ADAMTSL1: variants seen among roughly 807,000 people sequenced by gnomAD.
ADAMTSL1 encodes the protein ADAMTS-like protein 1.
Under a neutral mutation model 201.8 loss-of-function variants are expected in ADAMTSL1, and 126 were observed. The ratio of observed to expected loss-of-function variants is 0.62; its 90% CI spans 0.54 to 0.72. The LOEUF (loss-of-function observed/expected upper bound fraction) is 0.72. ADAMTSL1 is among the 30% of genes least tolerant of loss of function. The pLI, the probability that ADAMTSL1 is intolerant of heterozygous loss-of-function variation, is 0.00. For missense variants in ADAMTSL1, 2,679 were observed against 2,277.8 expected (o/e 1.18, Z -3.59); for synonymous variants, 1,121 against 903.4 (o/e 1.24, Z -4.32).
intron 4 of ADAMTSL1, among the ~76,000 whole-genome samples, chr9:18,617,186 A>C (rs1319959814): frequency 3.3e-5 from 5 of 152,218 alleles, no homozygotes; most frequent in Admixed American, 3.3e-4. Context: ...AAATGAAGCC[A>C]TTGTGAACCC....
intron 2 of ADAMTSL1, among the ~76,000 whole-genome samples, chr9:18,532,673 T>C (rs750178957): frequency 7.9e-5 from 12 of 151,938 alleles, no homozygotes; most frequent in Non-Finnish European, 1.5e-4. Context: ...ATCAAAATAA[T>C]AGTGATTGTC....
intron 3 of ADAMTSL1, among the ~76,000 whole-genome samples, chr9:18,536,692 G>T (rs904856836): frequency 6.6e-6 from 1 of 152,132 alleles, no homozygotes; most frequent in African/African-American, 2.4e-5. Context: ...GCAGCAAGGT[G>T]CTCCATCTCT....
At chr9:18,306,728 T>C (rs1335478448) in intron 2 of ADAMTSL1, among the ~76,000 whole-genome samples, 1 of 152,174 alleles carries the variant, frequency 6.6e-6, no homozygotes, top group African/African-American at 2.4e-5. Flanking sequence ...TTGGTGTACC[T>C]GAAAGTGATG....
At chr9:18,498,460 C>T (rs1436236615) in intron 1 of ADAMTSL1, among the ~76,000 whole-genome samples, 1 of 151,788 alleles carries the variant, frequency 6.6e-6, no homozygotes, top group Non-Finnish European at 1.5e-5. Context: ...TCCCAGCCTC[C>T]CAAGTAGCTA....
At chr9:18,344,301 A>G (rs997380249) in intron 2 of ADAMTSL1, among the ~76,000 whole-genome samples, 13 of 152,098 alleles carry the variant, frequency 8.5e-5, no homozygotes, top group African/African-American at 2.9e-4. Context: ...CTGTTTAATA[A>G]CATTTTAATT....
chr9:18,815,774 G>A (rs1033242987), intron 20 of ADAMTSL1, among the ~76,000 whole-genome samples: 48 of 150,388 alleles, frequency 3.2e-4, no homozygotes, highest in Non-Finnish European at 5.8e-4. Context: ...GCAGCAACAT[G>A]GATAAACCCG....
intron 13 of ADAMTSL1, among the ~76,000 whole-genome samples, chr9:18,695,483 GT>G (rs1281975252): frequency 6.6e-6 from 1 of 152,192 alleles, no homozygotes; most frequent in East Asian, 1.9e-4. Context: ...GCTCATGCAT[GT>G]GATTATATGC....
At chr9:18,907,051 A>AT (rs5896821) in intron 28 of ADAMTSL1, 139 bp downstream of exon 28, 611,069 of 897,796 alleles carry the variant, frequency 0.68, 212,212 homozygotes, top group African/African-American at 0.88. Flanking sequence ...GGAGTTGAGC[A>AT]TTTCAGTGGG....
chr9:17,966,192 A>T (rs1395022992), intron 1 of ADAMTSL1, among the ~76,000 whole-genome samples: 1 of 152,178 alleles, frequency 6.6e-6, no homozygotes, highest in Admixed American at 6.6e-5. Flanking sequence ...CTGAAGGCAC[A>T]GTTCTTGCTT....
chr9:18,313,368 A>T (rs965691069), intron 2 of ADAMTSL1, among the ~76,000 whole-genome samples: 8 of 152,186 alleles, frequency 5.3e-5, no homozygotes, highest in African/African-American at 1.9e-4. Context: ...ACCTCACCCC[A>T]GGTGAGTTAC....
intron 15 of ADAMTSL1, among the ~76,000 whole-genome samples, chr9:18,752,807 A>G (rs559501059): frequency 2.0e-5 from 3 of 152,226 alleles, no homozygotes; most frequent in Non-Finnish European, 1.5e-5. Context: ...CTATGCAGCA[A>G]TGGAACTTTA....
chr9:18,063,142 C>A (rs1041977379), intron 1 of ADAMTSL1, among the ~76,000 whole-genome samples: 1 of 151,858 alleles, frequency 6.6e-6, no homozygotes, highest in African/African-American at 2.4e-5. Flanking sequence ...CAGCCTGAGG[C>A]CAGGAGTTCA....
intron 3 of ADAMTSL1, among the ~76,000 whole-genome samples, chr9:18,548,186 A>C (rs958775951): frequency 2.6e-5 from 4 of 152,038 alleles, no homozygotes; most frequent in Non-Finnish European, 5.9e-5. Flanking sequence ...ATTCATGGGC[A>C]TGTGAAGAAA....
chr9:18,436,800 G>T (rs1384820977), intron 2 of ADAMTSL1, among the ~76,000 whole-genome samples: 1 of 152,030 alleles, frequency 6.6e-6, no homozygotes, highest in East Asian at 1.9e-4. Context: ...CTCCTACACT[G>T]TATTATACAG....
At chr9:18,124,697 G>T (rs929700530) in intron 1 of ADAMTSL1, among the ~76,000 whole-genome samples, 1 of 152,240 alleles carries the variant, frequency 6.6e-6, no homozygotes, top group East Asian at 1.9e-4. Context: ...GAATTTCTGA[G>T]TGTTCAAGAT....
At chr9:17,929,742 C>A (rs1486866011) in intron 1 of ADAMTSL1, among the ~76,000 whole-genome samples, 1 of 152,158 alleles carries the variant, frequency 6.6e-6, no homozygotes, top group Non-Finnish European at 1.5e-5. Context: ...TATCACTTCC[C>A]CAGAAAGTCC....
chr9:18,066,084 A>G (rs1040207579), intron 1 of ADAMTSL1, among the ~76,000 whole-genome samples: 26 of 152,054 alleles, frequency 1.7e-4, no homozygotes, highest in African/African-American at 6.3e-4. Flanking sequence ...GGCAAAAGAA[A>G]TAAGCTTATG....
intron 2 of ADAMTSL1, among the ~76,000 whole-genome samples, chr9:18,234,536 T>C (rs566742971): frequency 6.6e-6 from 1 of 152,316 alleles, no homozygotes; most frequent in South Asian, 2.1e-4. Context: ...TGACTTGTAC[T>C]ATTAATAAAT....
At chr9:18,192,034 T>C (rs1828992780) in intron 2 of ADAMTSL1, among the ~76,000 whole-genome samples, 1 of 152,184 alleles carries the variant, frequency 6.6e-6, no homozygotes, top group Admixed American at 6.6e-5. Context: ...TTGACATTGA[T>C]GGTATTCTTT....
Sources: gnomAD v4.1 joint callset for allele counts (sites outside exome capture counted in the v4.1 genomes callset) on GRCh38, gnomAD v4.1.1 for gene constraint, MANE v1.5 for transcripts, NCBI Gene and HGNC (gene_info 2026-07-23, HGNC 2026-07-21) for gene names.